Variants in DLGAP2 observed in about 807,000 individuals in gnomAD.
The protein encoded by DLGAP2 is DLG associated protein 2.
Under a neutral mutation model 100.3 loss-of-function variants are expected in DLGAP2, and 26 were observed. The ratio of observed to expected loss-of-function variants is 0.26; its 90% CI spans 0.19 to 0.36. The LOEUF (loss-of-function observed/expected upper bound fraction) is 0.36. DLGAP2 is among the 10% of genes least tolerant of loss of function. The probability of loss-of-function intolerance (pLI) is 1.00; values close to 1 mark genes in which losing one functional copy is unlikely to be tolerated. For missense variants in DLGAP2, 1,858 were observed against 1,453.2 expected (o/e 1.28, Z -4.53); for synonymous variants, 886 against 630.1 (o/e 1.41, Z -6.08).
At chr8:1,434,836 C>A (rs1021425937) in intron 3 of DLGAP2, among the ~76,000 whole-genome samples, 1 of 152,120 alleles carries the variant, frequency 6.6e-6, no homozygotes, top group Non-Finnish European at 1.5e-5. Context: ...CATTATCGTT[C>A]CTTCCTCCTC....
chr8:1,572,907 A>AG (rs749973558), intron 6 of DLGAP2, among the ~76,000 whole-genome samples: 2 of 90,118 alleles, frequency 2.2e-5, no homozygotes, highest in Non-Finnish European at 4.4e-5. Flanking sequence ...GGTGAACTGG[A>AG]GGGGTGTCTG....
intron 1 of DLGAP2, among the ~76,000 whole-genome samples, chr8:862,258 T>A (rs1297857200): frequency 6.6e-6 from 1 of 151,626 alleles, no homozygotes; most frequent in Non-Finnish European, 1.5e-5. Flanking sequence ...TTCTCAGGTG[T>A]CTTGGAGCGA....
At chr8:952,406 G>C (rs746206895) in intron 2 of DLGAP2, among the ~76,000 whole-genome samples, 20 of 152,166 alleles carry the variant, frequency 1.3e-4, no homozygotes, top group Non-Finnish European at 2.2e-4. Context: ...TCCTTTGGGA[G>C]GCCAAGGATC....
At chr8:1,098,090 A>G (rs1471341179) in intron 2 of DLGAP2, among the ~76,000 whole-genome samples, 1 of 152,214 alleles carries the variant, frequency 6.6e-6, no homozygotes, top group Non-Finnish European at 1.5e-5. Context: ...TTTCCTTGCA[A>G]CGCAATTCTG....
At chr8:1,628,330 C>T (rs1054022689) in intron 7 of DLGAP2, among the ~76,000 whole-genome samples, 5 of 146,994 alleles carry the variant, frequency 3.4e-5, no homozygotes, top group Admixed American at 6.6e-5. Context: ...AGCTCACATT[C>T]TCTCTGACTT....
At chr8:1,299,596 C>T (rs1056041007) in intron 3 of DLGAP2, among the ~76,000 whole-genome samples, 3 of 152,210 alleles carry the variant, frequency 2.0e-5, no homozygotes, top group Non-Finnish European at 4.4e-5. Context: ...AGATTCGTTC[C>T]TGCTGGGATA....
intron 2 of DLGAP2, among the ~76,000 whole-genome samples, chr8:1,218,832 G>C (rs1385137907): frequency 6.6e-6 from 1 of 152,058 alleles, no homozygotes; most frequent in South Asian, 2.1e-4. Context: ...TCATTGTAGA[G>C]ATCTTTCACC....
intron 2 of DLGAP2, among the ~76,000 whole-genome samples, chr8:936,418 C>T (rs918868195): frequency 6.6e-6 from 1 of 152,176 alleles, no homozygotes; most frequent in East Asian, 1.9e-4. Flanking sequence ...TGGGAGATGG[C>T]GGCCTTTCTT....
At chr8:957,683 C>T (rs976903523) in intron 2 of DLGAP2, among the ~76,000 whole-genome samples, 4 of 152,172 alleles carry the variant, frequency 2.6e-5, no homozygotes, top group Admixed American at 6.5e-5. Flanking sequence ...ATCTCTAATG[C>T]CTTACCCTTG....
At chr8:1,233,828 A>C (rs1798587489) in intron 2 of DLGAP2, among the ~76,000 whole-genome samples, 3 of 152,236 alleles carry the variant, frequency 2.0e-5, no homozygotes, top group Admixed American at 2.0e-4. Flanking sequence ...AGTCTTGGAA[A>C]GAGTTATTTT....
chr8:1,274,891 T>C (rs1223255726), intron 3 of DLGAP2, among the ~76,000 whole-genome samples: 1 of 152,176 alleles, frequency 6.6e-6, no homozygotes, highest in African/African-American at 2.4e-5. Context: ...GCAATTACTT[T>C]ATGAATATTC....
chr8:1,048,799 C>A (rs1203034612), intron 2 of DLGAP2, among the ~76,000 whole-genome samples: 4 of 152,050 alleles, frequency 2.6e-5, no homozygotes, highest in African/African-American at 4.8e-5. Context: ...CTCCTGTGTG[C>A]CTTTCTTCTC....
intron 1 of DLGAP2, among the ~76,000 whole-genome samples, chr8:759,874 C>T: frequency 6.6e-6 from 1 of 152,216 alleles, no homozygotes; most frequent in East Asian, 1.9e-4. Flanking sequence ...CTTGCTCTGT[C>T]AACTCTAGGC....
At chr8:1,118,729 T>C (rs1408328281) in intron 2 of DLGAP2, among the ~76,000 whole-genome samples, 1 of 152,206 alleles carries the variant, frequency 6.6e-6, no homozygotes, top group Non-Finnish European at 1.5e-5. Flanking sequence ...GAGATAAATA[T>C]ACATGTACTA....
Position 965,727 on chromosome 8 carries a change from G to A in DLGAP2, c.73+57761G>A, listed in dbSNP as rs1237287649. 9.8e-4 allele frequency among the ~76,000 whole-genome samples: 123 copies of A among 125,286 alleles called. No individual in the cohort carries two copies. The East Asian group carries it at 0.012, about 12-fold the overall frequency. The allele number at this position is 125,286 out of a possible 152,430, so 82.2% of individuals were successfully genotyped here. On this transcript the variant is annotated intron_variant, in intron 2 of 14. Transcript: ENST00000637795. The stretch of plus-strand genomic sequence containing the variant: ...CTGAGCCCAACCCCCGCGTGCACAC[G>A]GCACTGTTCACCTCACACGGCTCCT...
At chr8:1,050,904 C>T (rs894553140) in intron 2 of DLGAP2, among the ~76,000 whole-genome samples, 2 of 149,538 alleles carry the variant, frequency 1.3e-5, no homozygotes, top group African/African-American at 2.5e-5. Context: ...GGCCTTAGAT[C>T]GAGAGAGGCT....
chr8:899,240 T>C (rs1292291912), intron 1 of DLGAP2, among the ~76,000 whole-genome samples: 1 of 152,218 alleles, frequency 6.6e-6, no homozygotes. Context: ...CCCTACGAGC[T>C]GTGGTTTTGC....
Position 1,147,290 on chromosome 8 carries a change from CTG to C in DLGAP2, c.74-111559_74-111558del, listed in dbSNP as rs751930439. The stretch of plus-strand genomic sequence containing the variant: ...ATGATGCTTTTGTAAAAATGAAACT[CTG>C]TAAAATAATTTACAGGTTTTTTATT... On this transcript the variant is annotated intron_variant, in intron 2 of 14. Coordinates refer to ENST00000637795, the MANE Select transcript of DLGAP2 (RefSeq NM_001346810.2). Among the ~76,000 whole-genome samples the C allele has an allele frequency of 7.9e-5, 11 of 138,874 alleles. No individual in the cohort carries two copies. In the East Asian group the frequency reaches 1.3e-3, roughly 17 times the overall value. 91.1% of individuals were successfully genotyped at this position (138,874 alleles called of 152,430 possible). A position where few individuals can be genotyped will look rare whatever the true frequency, so the allele number is the denominator to read the frequency against.
intron 6 of DLGAP2, among the ~76,000 whole-genome samples, chr8:1,571,573 G>C (rs563750810): frequency 4.2e-5 from 6 of 144,298 alleles, no homozygotes; most frequent in Non-Finnish European, 7.6e-5. Flanking sequence ...ATGAGATGGA[G>C]AGGGGAGAGG....
Sources: gnomAD v4.1 joint callset for allele counts (sites outside exome capture counted in the v4.1 genomes callset) on GRCh38, gnomAD v4.1.1 for gene constraint, MANE v1.5 for transcripts, NCBI Gene and HGNC (gene_info 2026-07-23, HGNC 2026-07-21) for gene names.